The following MEGF6 variants were observed in gnomAD, a reference collection of about 807,000 sequenced individuals.
The protein encoded by MEGF6 is multiple epidermal growth factor-like domains protein 6.
In MEGF6, 184 loss-of-function variants were observed where a neutral mutation model predicts 207.1. The ratio of observed to expected loss-of-function variants is 0.89; its 90% CI spans 0.79 to 1.00. MEGF6 has a LOEUF of 1.00. MEGF6 is among the 50% of genes least tolerant of loss of function. The pLI, the probability that MEGF6 is intolerant of heterozygous loss-of-function variation, is 0.00. For synonymous variants in MEGF6, 1,038 were observed against 910.0 expected (o/e 1.14, Z -2.53); for missense variants, 2,282 against 2,202.9 (o/e 1.04, Z -0.72).
intron 4 of MEGF6, among the ~76,000 whole-genome samples, chr1:3,576,383 C>T (rs1217403684): frequency 6.6e-6 from 1 of 152,244 alleles, no homozygotes; most frequent in Non-Finnish European, 1.5e-5. Flanking sequence ...CCCTCCATAG[C>T]TGCCCAGAGA....
intron 5 of MEGF6, among the ~76,000 whole-genome samples, chr1:3,516,293 A>G (rs1043449042): frequency 1.3e-5 from 2 of 152,158 alleles, no homozygotes; most frequent in African/African-American, 4.8e-5. Flanking sequence ...TGGGCACTGG[A>G]CCTCTGCCAA....
At chr1:3,531,037 GC>G in intron 4 of MEGF6, 1 of 1,446,078 alleles carries the variant, frequency 6.9e-7, no homozygotes, top group Non-Finnish European at 9.0e-7. Context: ...GCCGGGGAGC[GC>G]CCTGGCCCCG....
At chr1:3,583,378 ACAGCCACCAGACAACGCG>A (rs1643849254) in intron 3 of MEGF6, among the ~76,000 whole-genome samples, 1 of 36,956 alleles carries the variant, frequency 2.7e-5, no homozygotes, top group African/African-American at 2.0e-4. Flanking sequence ...CAGACAACCC[ACAGCCACCAGACAACGCG>A]CAGCCACCAG....
In MEGF6 at chr1:3,521,110, G is replaced by A. The variant is rs2101152708; in HGVS notation, c.604+3014C>T. 1.3e-5 allele frequency among the ~76,000 whole-genome samples: 2 copies of A among 152,264 alleles called. 1 individual carries two copies. The highest frequency in any genetic ancestry group is 3.9e-4 in the East Asian group (2 of 5,164). On this transcript the variant is annotated intron_variant, in intron 5 of 36. Transcript: ENST00000356575. ...CCTGCAAAGCCCCAGGCGGGGTCAC[G>A]ACACCCTCCCGGCCAGGAGGACCCT... is the stretch of plus-strand genomic sequence containing the variant.
intron 1 of MEGF6, among the ~76,000 whole-genome samples, chr1:3,603,270 C>A (rs938960295): frequency 6.6e-6 from 1 of 151,712 alleles, no homozygotes; most frequent in Non-Finnish European, 1.5e-5. Context: ...CCCCACCGGG[C>A]TCGGAGCAGG....
chr1:3,496,623 G>T, intron 29 of MEGF6, 32 bp downstream of exon 29: 1 of 1,564,124 alleles, frequency 6.4e-7, no homozygotes, highest in African/African-American at 1.4e-5. Flanking sequence ...CACAGGAGGC[G>T]CCACTCAGCA....
rs74048618 is a variant in MEGF6 at position 3,560,412 on chromosome 1, C to T, written c.481+19413G>A. Among the ~76,000 whole-genome samples the T allele has an allele frequency of 0.012, 1,778 of 152,252 alleles. 46 individuals are homozygous for T. Among genetic ancestry groups the T allele is most frequent in the African/African-American group, 0.041 (1,710 of 41,538 alleles). On this transcript the variant is annotated intron_variant, in intron 4 of 36. Coordinates refer to ENST00000356575, the MANE Select transcript of MEGF6 (RefSeq NM_001409.4). This position sits in a 1 kb window ranked among gnomAD's most constrained non-coding sequence, Gnocchi z 4.0. ...GCCTGGATCCACCATTGTAAGATCA[C>T]GCAGAGGAGTTCCTGCCCTAAAAAT...
the MEGF6 span, among the ~76,000 whole-genome samples, chr1:3,618,626 T>C: frequency 2.1e-3 from 323 of 152,142 alleles, no homozygotes; most frequent in African/African-American, 5.6e-3. The surrounding 1 kb of genome is among the most constrained non-coding windows in gnomAD (Gnocchi z 4.7). Flanking sequence ...GGAGAGGCAT[T>C]TATTTGTGGA....
chr1:3,538,839 C>T (rs1642415346), intron 4 of MEGF6, among the ~76,000 whole-genome samples: 1 of 152,128 alleles, frequency 6.6e-6, no homozygotes, highest in Non-Finnish European at 1.5e-5. Context: ...TGACACAGCA[C>T]CCGCTGGGGA....
At chr1:3,522,842 C>A (rs1349711125) in intron 5 of MEGF6, among the ~76,000 whole-genome samples, 1 of 152,178 alleles carries the variant, frequency 6.6e-6, no homozygotes, top group Non-Finnish European at 1.5e-5. Context: ...AAAGGACGTG[C>A]CCCCCAAGAG....
the MEGF6 span, chr1:3,623,157 T>G: frequency 4.4e-5 from 6 of 135,834 alleles, no homozygotes; most frequent in South Asian, 2.8e-4. Context: ...CTCCCCCCCA[T>G]TCTCTCTCCC....
chr1:3,596,921 C>T (rs989486114), intron 2 of MEGF6, among the ~76,000 whole-genome samples: 9 of 152,172 alleles, frequency 5.9e-5, no homozygotes, highest in African/African-American at 2.2e-4. Flanking sequence ...CCATCACAGC[C>T]CCATCCCGGG....
chr1:3,502,050 C>CCCGCCTCCTCACAT (rs1640912825), intron 17 of MEGF6, 129 bp from the exon 18 acceptor site: 1 of 37,064 alleles, frequency 2.7e-5, no homozygotes, highest in African/African-American at 2.7e-4. Context: ...TGTGCCCCCC[C>CCCGCCTCCTCACAT]GGCGCCTCCT....
chr1:3,607,537 A>C (rs972134395), intron 1 of MEGF6, among the ~76,000 whole-genome samples: 3 of 152,138 alleles, frequency 2.0e-5, no homozygotes, highest in Non-Finnish European at 4.4e-5. Context: ...ACAGCACCGC[A>C]CCCGCACGGC....
At chr1:3,578,540 G>GC (rs1251032605) in intron 4 of MEGF6, among the ~76,000 whole-genome samples, 2 of 152,094 alleles carry the variant, frequency 1.3e-5, no homozygotes, top group Non-Finnish European at 2.9e-5. Context: ...GGGCCCTGGG[G>GC]GGGGGGGGCC....
At chr1:3,588,930 G>C (rs1643936027) in intron 3 of MEGF6, among the ~76,000 whole-genome samples, 1 of 152,100 alleles carries the variant, frequency 6.6e-6, no homozygotes, top group Admixed American at 6.5e-5. Context: ...CCTCATGAGG[G>C]CCCCAGGCCT....
At chr1:3,611,799 G>A (rs1032179111), upstream of MEGF6, among the ~76,000 whole-genome samples, 7 of 149,640 alleles carry the variant, frequency 4.7e-5, no homozygotes. Flanking sequence ...CGCGGGGCTG[G>A]CGCAGCCCCT....
chr1:3,600,972 G>A (rs6693958), intron 2 of MEGF6, among the ~76,000 whole-genome samples: 105,848 of 152,042 alleles, frequency 0.7, 37,799 homozygotes, highest in East Asian at 0.86. Context: ...GGGAGGGTTG[G>A]TGAAGAGGCC....
rs1212965968 is a variant in MEGF6, at chr1:3,490,087, C to T, written c.*441G>A. On this transcript the variant is annotated 3_prime_UTR_variant, in exon 37 of 37. Transcript: ENST00000356575. ...GCTGCAGCGGGCATGTGCAGTGGCC[C>T]ATAAATACCTTTACATAAATACGGG... The T allele has an allele frequency of 1.6e-5, 3 of 182,616 alleles. No individual in the cohort carries two copies. Among genetic ancestry groups the T allele is most frequent in the Non-Finnish European group, 3.4e-5 (3 of 88,424 alleles). 11.3% of individuals were successfully genotyped at this position (182,616 alleles called of 1,614,324 possible).
Sources: allele counts gnomAD v4.1 joint callset (sites outside exome capture counted in the v4.1 genomes callset), GRCh38; gene constraint gnomAD v4.1.1; non-coding constraint Gnocchi (gnomAD v3.1); transcripts MANE v1.5; gene names NCBI Gene and HGNC (gene_info 2026-07-23, HGNC 2026-07-21).